CALCRL: variants seen among roughly 807,000 people sequenced by gnomAD.
The protein encoded by CALCRL is calcitonin gene-related peptide type 1 receptor.
Under a neutral mutation model 60.4 loss-of-function variants are expected in CALCRL, and 27 were observed. The observed-to-expected ratio is 0.45, with a 90% CI of 0.33 to 0.62. The LOEUF is 0.62. CALCRL is among the 20% of genes least tolerant of loss of function. The pLI is 0.03. For synonymous variants in CALCRL, 190 were observed against 182.6 expected, an observed-to-expected ratio of 1.04 and a Z score of -0.33; for missense variants, 424 against 540.7, an observed-to-expected ratio of 0.78 and a Z score of 2.14.
intron 8 of CALCRL, among the ~76,000 whole-genome samples, chr2:187,364,201 A>G (rs1013432701): frequency 1.3e-5 from 2 of 152,150 alleles, no homozygotes; most frequent in African/African-American, 4.8e-5. Context: ...ATTTCAAGAA[A>G]AAGTGTCACT....
At chr2:187,440,923 T>C (rs888228388) in intron 1 of CALCRL, among the ~76,000 whole-genome samples, 1 of 152,098 alleles carries the variant, frequency 6.6e-6, no homozygotes, top group African/African-American at 2.4e-5. Context: ...AAAATCATTA[T>C]ATGAATTTCA....
chr2:187,434,513 G>A (rs189286854), intron 1 of CALCRL, among the ~76,000 whole-genome samples: 12 of 152,166 alleles, frequency 7.9e-5, no homozygotes, highest in African/African-American at 2.2e-4. Flanking sequence ...AAGATATGAC[G>A]CAATGGAAAC....
intron 12 of CALCRL, among the ~76,000 whole-genome samples, chr2:187,357,023 G>A (rs1404468443): frequency 2.6e-5 from 4 of 152,108 alleles, no homozygotes; most frequent in African/African-American, 9.7e-5. Flanking sequence ...GAGAGGATGT[G>A]GAGAAATAAG....
chr2:187,405,227 C>T (rs528380806), intron 1 of CALCRL, among the ~76,000 whole-genome samples: 17 of 152,064 alleles, frequency 1.1e-4, no homozygotes, highest in African/African-American at 4.1e-4. Flanking sequence ...TTTAATTGGC[C>T]TCAGTTAGAA....
chr2:187,365,963 G>A (rs923469907), intron 8 of CALCRL, among the ~76,000 whole-genome samples: 1 of 152,184 alleles, frequency 6.6e-6, no homozygotes, highest in Non-Finnish European at 1.5e-5. Flanking sequence ...AGAGGAATAG[G>A]CCGGGCGCGG....
intron 14 of CALCRL, among the ~76,000 whole-genome samples, chr2:187,351,677 T>C (rs1481737736): frequency 6.6e-6 from 1 of 151,786 alleles, no homozygotes; most frequent in Admixed American, 6.6e-5. Context: ...ATTAGATGAA[T>C]AGCATTTGAA....
At position 187,343,250 on chromosome 2, in the gene CALCRL, A is replaced by G. The variant is rs1017494446; in HGVS notation, c.*2934T>C. 4 of 151,678 alleles carry G rather than the reference A, an allele frequency of 2.6e-5. No individual in the cohort carries two copies. The highest frequency in any genetic ancestry group is 9.7e-5 in the African/African-American group (4 of 41,412). 9.4% of individuals were successfully genotyped at this position (151,678 alleles called of 1,614,324 possible). A position where few individuals can be genotyped will look rare whatever the true frequency, so the allele number is the denominator to read the frequency against. On this transcript the variant is annotated 3_prime_UTR_variant, in exon 15 of 15. Coordinates refer to ENST00000392370, the MANE Select transcript of CALCRL (RefSeq NM_005795.6). The stretch of plus-strand genomic sequence containing the variant: ...ATTGATTACTGTAAGAATTATGTTT[A>G]TAAATTAGATTATTTGGCACTGTAG...
At chr2:187,349,165 G>A (rs1051840550) in intron 14 of CALCRL, among the ~76,000 whole-genome samples, 3 of 151,588 alleles carry the variant, frequency 2.0e-5, no homozygotes, top group African/African-American at 7.3e-5. Context: ...ACCCTCAGGT[G>A]TTGTTAAATA....
intron 1 of CALCRL, among the ~76,000 whole-genome samples, chr2:187,404,816 A>G (rs1399101173): frequency 6.6e-6 from 1 of 151,970 alleles, no homozygotes; most frequent in African/African-American, 2.4e-5. Flanking sequence ...AGGAGTCAGT[A>G]TGGGTATCTG....
At chr2:187,362,340 A>C (rs569378765) in intron 9 of CALCRL, among the ~76,000 whole-genome samples, 157 of 152,182 alleles carry the variant, frequency 1.0e-3, no homozygotes, top group African/African-American at 3.3e-3. Context: ...TTATGTTGCT[A>C]ATTATACCCC....
chr2:187,421,870 A>C (rs1325487826), intron 1 of CALCRL, among the ~76,000 whole-genome samples: 1 of 152,208 alleles, frequency 6.6e-6, no homozygotes, highest in South Asian at 2.1e-4. Context: ...CTCCCAAACA[A>C]AAGAAAACCA....
intron 8 of CALCRL, among the ~76,000 whole-genome samples, chr2:187,366,092 A>G (rs1273048824): frequency 6.6e-6 from 1 of 150,598 alleles, no homozygotes; most frequent in African/African-American, 2.5e-5. Flanking sequence ...AAATACAAAA[A>G]ATTAGCCGGG....
intron 1 of CALCRL, among the ~76,000 whole-genome samples, chr2:187,393,540 A>G (rs564907323): frequency 1.9e-4 from 29 of 152,234 alleles, no homozygotes; most frequent in African/African-American, 6.5e-4. Context: ...TTATTTCTTT[A>G]TGTGTCTCTG....
intron 12 of CALCRL, 147 bp from the exon 13 acceptor site, chr2:187,352,479 T>A (rs768504873): frequency 9.1e-5 from 50 of 548,268 alleles, no homozygotes; most frequent in Non-Finnish European, 1.5e-4. Context: ...AGGCATTAAT[T>A]TATATTTCTG....
chr2:187,411,911 G>T (rs1180000155), intron 1 of CALCRL, among the ~76,000 whole-genome samples: 1 of 150,086 alleles, frequency 6.7e-6, no homozygotes, highest in African/African-American at 2.5e-5. Flanking sequence ...CAGGAGAATG[G>T]CGTGAACCTG....
chr2:187,351,948 G>C lies in CALCRL; in HGVS notation c.1142C>G (p.Ser381Cys). The change falls in exon 14 of 15, where the codon TCT becomes TGT. Residue 381 changes from serine to cysteine, a missense_variant. Physicochemically the swap from Ser to Cys is moderately radical, Grantham distance 112. Transcript: ENST00000392370. ...ILMHFQGLLV[S>C]TIFCFFNGEV... ...TCCATTAAAGAAGCAGAAAATGGTAGAGACCAAAAGACCCTGTAAAAGAAA... is the reference window on the plus strand; with the variant it reads ...TCCATTAAAGAAGCAGAAAATGGTACAGACCAAAAGACCCTGTAAAAGAAA... The C allele has an allele frequency of 6.3e-7, 1 of 1,594,062 alleles. No individual in the cohort carries two copies. The highest frequency in any genetic ancestry group is 8.6e-7 in the Non-Finnish European group (1 of 1,164,186).
At chr2:187,385,505 A>C (rs1293224329) in intron 4 of CALCRL, 40 bp downstream of exon 4, 1 of 989,634 alleles carries the variant, frequency 1.0e-6, no homozygotes. Flanking sequence ...GGTATACTGG[A>C]AGCAATAACA....
intron 1 of CALCRL, among the ~76,000 whole-genome samples, chr2:187,427,120 C>T (rs529833864): frequency 5.9e-5 from 9 of 151,674 alleles, no homozygotes; most frequent in African/African-American, 1.7e-4. Flanking sequence ...GGGAGGGAGA[C>T]GTAGGTAAAA....
chr2:187,436,682 A>G (rs1468499942), intron 1 of CALCRL: 1 of 152,230 alleles, frequency 6.6e-6, no homozygotes, highest in Non-Finnish European at 1.5e-5. Context: ...ATGTCAACTG[A>G]AAATGGTACC....
Sources: gnomAD v4.1 joint callset for allele counts (sites outside exome capture counted in the v4.1 genomes callset) on GRCh38, gnomAD v4.1.1 for gene constraint, MANE v1.5 for transcripts, NCBI Gene and HGNC (gene_info 2026-07-23, HGNC 2026-07-21) for gene names.